PCCA: variants seen among roughly 807,000 people sequenced by gnomAD.
The protein encoded by PCCA is propionyl-CoA carboxylase alpha chain, mitochondrial.
Under a neutral mutation model 101.3 loss-of-function variants are expected in PCCA, and 74 were observed. The ratio of observed to expected loss-of-function variants is 0.73; its 90% confidence interval spans 0.61 to 0.89. The LOEUF (loss-of-function observed/expected upper bound fraction) is 0.89, where lower values mean the gene tolerates loss of function less well. PCCA is among the 40% of genes least tolerant of loss of function. The pLI is 0.00. For synonymous variants in PCCA, 294 were observed against 313.6 expected (o/e 0.94, Z 0.66); for missense variants, 891 against 907.0 (o/e 0.98, Z 0.23).
intron 21 of PCCA, chr13:100,479,485 G>A (rs934699739): frequency 1.3e-5 from 2 of 152,292 alleles, no homozygotes; most frequent in South Asian, 4.1e-4. Flanking sequence ...CATTTAGCAC[G>A]TATTTGGTAT....
Position 100,479,915 on chromosome 13 carries a change from G to A in PCCA, c.1899+30610G>A, listed in dbSNP as rs536465001. 6.6e-5 allele frequency among the ~76,000 whole-genome samples: 10 copies of A among 152,270 alleles called. No homozygotes were observed. The East Asian group carries it at 1.7e-3, about 26-fold the overall frequency. ...CCTGACCATCTGATAGGCCACTTTT[G>A]TTAGAGGAGAAGGTACCCCCTTGCC... On this transcript the variant is annotated intron_variant, in intron 21 of 23. Coordinates refer to ENST00000376285, the MANE Select transcript of PCCA (RefSeq NM_000282.4).
intron 22 of PCCA, 119 bp downstream of exon 22, chr13:100,515,686 C>CTA: frequency 8.6e-7 from 1 of 1,169,438 alleles, no homozygotes. Context: ...CCGACGCCCC[C>CTA]TAAACAGCAA....
At chr13:100,089,283 C>T in intron 1 of PCCA, 58 bp downstream of exon 1, 1 of 1,367,786 alleles carries the variant, frequency 7.3e-7, no homozygotes, top group Non-Finnish European at 9.4e-7. Flanking sequence ...GCCGTGCCGC[C>T]TCTGGGCGGC....
At chr13:100,421,397 G>A (rs1167538858) in intron 19 of PCCA, among the ~76,000 whole-genome samples, 1 of 152,030 alleles carries the variant, frequency 6.6e-6, no homozygotes, top group Non-Finnish European at 1.5e-5. Context: ...CTTAAAAAAT[G>A]ATAGCACACT....
At chr13:100,492,654 G>A (rs61970540) in intron 21 of PCCA, among the ~76,000 whole-genome samples, 35,219 of 150,740 alleles carry the variant, frequency 0.23, 4,940 homozygotes, top group East Asian at 0.55. Flanking sequence ...AGGCATTCCC[G>A]TTTTTGTGCC....
chr13:100,388,639 T>G (rs898317213), intron 19 of PCCA, among the ~76,000 whole-genome samples: 1 of 151,906 alleles, frequency 6.6e-6, no homozygotes, highest in African/African-American at 2.4e-5. Flanking sequence ...CTACTAAAGA[T>G]GCAAAAATTA....
chr13:100,425,860 C>T (rs950023147), intron 20 of PCCA, 129 bp downstream of exon 20: 15 of 688,358 alleles, frequency 2.2e-5, no homozygotes, highest in African/African-American at 1.1e-4. Flanking sequence ...TTTTTACAGT[C>T]GAAAACTTTT....
chr13:100,445,089 C>T (rs1246555181), intron 20 of PCCA, among the ~76,000 whole-genome samples: 1 of 152,086 alleles, frequency 6.6e-6, no homozygotes, highest in Non-Finnish European at 1.5e-5. Flanking sequence ...CAAAGGGGAG[C>T]TGGTGTGTGT....
chr13:100,253,284 C>T (rs927958963), intron 8 of PCCA, among the ~76,000 whole-genome samples: 19 of 152,268 alleles, frequency 1.2e-4, no homozygotes, highest in African/African-American at 3.1e-4. Context: ...CCACTCCACC[C>T]GACTCAGACA....
intron 19 of PCCA, among the ~76,000 whole-genome samples, chr13:100,374,754 CT>C (rs1408488408): frequency 6.6e-6 from 1 of 152,212 alleles, no homozygotes; most frequent in East Asian, 1.9e-4. Flanking sequence ...TTCATGTTTA[CT>C]ACTAATAAAC....
intron 7 of PCCA, among the ~76,000 whole-genome samples, chr13:100,212,652 A>G (rs867974561): frequency 3.9e-5 from 6 of 152,236 alleles, no homozygotes; most frequent in Admixed American, 6.5e-5. Context: ...CCTTGTAGTC[A>G]TTCTTGCTTC....
intron 10 of PCCA, among the ~76,000 whole-genome samples, chr13:100,265,895 G>A (rs938284802): frequency 3.9e-5 from 6 of 152,076 alleles, no homozygotes; most frequent in Non-Finnish European, 7.4e-5. Flanking sequence ...AGAATGGAGT[G>A]GGCTTTTACT....
intron 23 of PCCA, among the ~76,000 whole-genome samples, chr13:100,528,548 T>G (rs139474055): frequency 6.6e-6 from 1 of 152,322 alleles, no homozygotes; most frequent in East Asian, 1.9e-4. Flanking sequence ...TCTCATGCTC[T>G]GTCACTGCAG....
At chr13:100,117,363 A>G (rs1269077966) in intron 4 of PCCA, among the ~76,000 whole-genome samples, 1 of 151,844 alleles carries the variant, frequency 6.6e-6, no homozygotes, top group African/African-American at 2.4e-5. Flanking sequence ...CTTCACCTAG[A>G]TTCAGCAATT....
Position 100,276,743 on chromosome 13 carries a change from T to C in PCCA, c.1065+3397T>C, listed in dbSNP as rs181344364. 4.6e-5 allele frequency among the ~76,000 whole-genome samples: 7 copies of C among 152,312 alleles called. No homozygotes were observed. The East Asian group carries it at 1.3e-3, about 29-fold the overall frequency. On this transcript the variant is annotated intron_variant, in intron 12 of 23. Coordinates refer to ENST00000376285, the MANE Select transcript of PCCA (RefSeq NM_000282.4). ...GTTCTGAAATTTCTATTTGGTTCTT[T>C]TAAAAGTATGATTCATTGGTTTTTA...
chr13:100,110,124 C>T (rs552434368), intron 2 of PCCA, among the ~76,000 whole-genome samples: 17 of 152,144 alleles, frequency 1.1e-4, no homozygotes. Flanking sequence ...CAGAGTGAGA[C>T]TCCATCTCAA....
intron 16 of PCCA, among the ~76,000 whole-genome samples, chr13:100,325,179 G>A (rs1407749037): frequency 6.6e-6 from 1 of 152,062 alleles, no homozygotes; most frequent in Non-Finnish European, 1.5e-5. Context: ...GCACTTTTTT[G>A]TGAAACACCT....
At chr13:100,216,406 C>A (rs1183702448) in intron 7 of PCCA, among the ~76,000 whole-genome samples, 1 of 152,176 alleles carries the variant, frequency 6.6e-6, no homozygotes, top group East Asian at 1.9e-4. Flanking sequence ...ATTTTTAGGG[C>A]CTTACAGGCC....
At chr13:100,291,298 G>A (rs888735380) in intron 12 of PCCA, among the ~76,000 whole-genome samples, 3 of 152,132 alleles carry the variant, frequency 2.0e-5, no homozygotes, top group African/African-American at 7.2e-5. Flanking sequence ...AAAAGTGTAC[G>A]GGATGATATG....
Sources: allele counts gnomAD v4.1 joint callset (sites outside exome capture counted in the v4.1 genomes callset), GRCh38; gene constraint gnomAD v4.1.1; transcripts MANE v1.5; gene names NCBI Gene and HGNC (gene_info 2026-07-23, HGNC 2026-07-21).